The following C8A variants were observed in gnomAD, a reference collection of about 807,000 sequenced individuals.
C8A encodes the protein complement C8 alpha chain, also known as complement component C8 alpha chain.
Under a neutral mutation model 65.3 loss-of-function variants are expected in C8A, and 67 were observed. The observed-to-expected ratio is 1.03, with a 90% CI of 0.84 to 1.26. C8A has a LOEUF of 1.26. C8A is among the 50% of genes most tolerant of loss of function. The probability of loss-of-function intolerance (pLI) is 0.00; values close to 1 mark genes in which losing one functional copy is unlikely to be tolerated. For missense variants in C8A, 781 were observed against 723.9 expected, an observed-to-expected ratio of 1.08 and a Z score of -0.90; for synonymous variants, 290 against 259.4, an observed-to-expected ratio of 1.12 and a Z score of -1.13.
intron 6 of C8A, 87 bp from the exon 7 acceptor site, chr1:56,885,840 G>A (rs1031688594): frequency 6.3e-7 from 1 of 1,582,526 alleles, no homozygotes; most frequent in Admixed American, 1.7e-5. Flanking sequence ...ATGAGCCACT[G>A]CACCCAGAGA....
intron 7 of C8A, among the ~76,000 whole-genome samples, chr1:56,902,750 T>C (rs1644436386): frequency 6.6e-6 from 1 of 152,210 alleles, no homozygotes; most frequent in Non-Finnish European, 1.5e-5. Context: ...GTCTTTATCC[T>C]TTTGTGACTG....
chr1:56,861,753 G>A (rs185698141), intron 1 of C8A, among the ~76,000 whole-genome samples: 67 of 152,252 alleles, frequency 4.4e-4, no homozygotes, highest in Non-Finnish European at 7.1e-4. Context: ...ATTGTATGAT[G>A]GAATCTCCAT....
At chr1:56,866,274 A>G (rs1644087631) in intron 1 of C8A, among the ~76,000 whole-genome samples, 1 of 152,266 alleles carries the variant, frequency 6.6e-6, no homozygotes, top group South Asian at 2.1e-4. Flanking sequence ...GCAAAAATGT[A>G]CATTTATGGT....
intron 2 of C8A, 47 bp from the exon 3 acceptor site, chr1:56,874,902 T>A (rs1644182898): frequency 2.5e-6 from 4 of 1,610,146 alleles, no homozygotes; most frequent in Non-Finnish European, 3.4e-6. Flanking sequence ...CTTGGTTGAT[T>A]GATTGATTGG....
intron 7 of C8A, among the ~76,000 whole-genome samples, chr1:56,905,026 C>T (rs1644453264): frequency 6.6e-6 from 1 of 152,208 alleles, no homozygotes; most frequent in Admixed American, 6.5e-5. Context: ...GAATTCTTTT[C>T]ATCCACTTTT....
chr1:56,867,378 A>G (rs1389854395), intron 1 of C8A, among the ~76,000 whole-genome samples: 2 of 152,188 alleles, frequency 1.3e-5, no homozygotes, highest in African/African-American at 4.8e-5. Flanking sequence ...AATTATAATA[A>G]TTTGATGCAT....
intron 6 of C8A, among the ~76,000 whole-genome samples, chr1:56,885,074 A>G (rs1407862555): frequency 2.0e-5 from 3 of 151,554 alleles, no homozygotes; most frequent in Non-Finnish European, 4.4e-5. Flanking sequence ...GAAGAACAGA[A>G]GGGTGAAGCA....
chr1:56,855,048 A>G, intron 1 of C8A, 70 bp downstream of exon 1: 3 of 1,137,394 alleles, frequency 2.6e-6, no homozygotes, highest in Non-Finnish European at 2.7e-6. Context: ...AGACACTTTT[A>G]TGTTTGCAGC....
At chr1:56,916,313 G>A (rs1470734013) in intron 10 of C8A, among the ~76,000 whole-genome samples, 1 of 152,212 alleles carries the variant, frequency 6.6e-6, no homozygotes, top group Non-Finnish European at 1.5e-5. Context: ...GTGGACATCA[G>A]GTGGCCTTGG....
At chr1:56,891,728 G>T (rs577531382) in intron 7 of C8A, among the ~76,000 whole-genome samples, 1 of 152,156 alleles carries the variant, frequency 6.6e-6, no homozygotes, top group South Asian at 2.1e-4. Flanking sequence ...GTGTGTGCAT[G>T]CACACATACA....
rs74075644 is a variant in C8A, at chr1:56,900,377, C to T, written c.1097-6290C>T. Among the ~76,000 whole-genome samples the T allele has an allele frequency of 4.9e-3, 739 of 152,226 alleles. 6 individuals are homozygous for T. Among genetic ancestry groups the T allele is most frequent in the African/African-American group, 0.017 (713 of 41,546 alleles). ...ATTGAAGACCTAATTGTGCCAGACA[C>T]GTTTTAGGAATTCACTTATAGAAAC... is the stretch of plus-strand genomic sequence containing the variant. On this transcript the variant is annotated intron_variant, in intron 7 of 10. Coordinates refer to ENST00000361249, the MANE Select transcript of C8A (RefSeq NM_000562.3).
intron 7 of C8A, among the ~76,000 whole-genome samples, chr1:56,900,360 C>A (rs145240382): frequency 6.6e-6 from 1 of 152,132 alleles, no homozygotes; most frequent in Non-Finnish European, 1.5e-5. Context: ...TTATTGAAGA[C>A]CTAATTGTGC....
intron 4 of C8A, 131 bp from the exon 5 acceptor site, chr1:56,881,314 A>G (rs1269942060): frequency 9.1e-6 from 8 of 882,442 alleles, no homozygotes; most frequent in Non-Finnish European, 1.5e-5. Context: ...TCAGGGGTAC[A>G]TGCGCAGGAT....
chr1:56,908,144 C>T lies in C8A; in HGVS notation c.1380+31C>T, dbSNP rs761946237. 3.5e-5 allele frequency: 57 copies of T among 1,606,692 alleles called. 1 individual carries two copies. The South Asian group carries it at 4.2e-4, about 12-fold the overall frequency. ...TCTTTTCGCAGTTGAAGAAACTCTA[C>T]GTCCATGAGGAATGAAAGTGAAGCA... On this transcript the variant is annotated intron_variant, in intron 9 of 10. Coordinates refer to ENST00000361249, the MANE Select transcript of C8A (RefSeq NM_000562.3).
intron 1 of C8A, among the ~76,000 whole-genome samples, chr1:56,855,635 GGT>G (rs1491283293): frequency 1.1e-5 from 1 of 87,656 alleles, no homozygotes; most frequent in Non-Finnish European, 2.2e-5. Context: ...TTGCTTCATG[GGT>G]TTTTTTTTTT....
At chr1:56,895,082 C>G (rs891269918) in intron 7 of C8A, among the ~76,000 whole-genome samples, 4 of 151,992 alleles carry the variant, frequency 2.6e-5, no homozygotes, top group African/African-American at 9.7e-5. Flanking sequence ...AGTTGAAATC[C>G]AAAGAGGTTA....
chr1:56,868,320 C>T (rs969135650), intron 2 of C8A, among the ~76,000 whole-genome samples: 1 of 151,232 alleles, frequency 6.6e-6, no homozygotes, highest in African/African-American at 2.4e-5. Context: ...AATAATAAAA[C>T]ATAGTCAGCC....
chr1:56,856,094 C>A (rs530402376), intron 1 of C8A, among the ~76,000 whole-genome samples: 32 of 152,082 alleles, frequency 2.1e-4, no homozygotes, highest in African/African-American at 7.7e-4. Context: ...AGTGAAGGGG[C>A]AAATTTCAAG....
chr1:56,904,350 T>C (rs1199018175), intron 7 of C8A, among the ~76,000 whole-genome samples: 3 of 152,176 alleles, frequency 2.0e-5, no homozygotes, highest in Non-Finnish European at 4.4e-5. Context: ...AACAAAAAAC[T>C]CTCGGGATAC....
Sources: allele counts gnomAD v4.1 joint callset (sites outside exome capture counted in the v4.1 genomes callset), GRCh38; gene constraint gnomAD v4.1.1; transcripts MANE v1.5; gene names NCBI Gene and HGNC (gene_info 2026-07-23, HGNC 2026-07-21).